Variants in PCDHGA10 observed in about 807,000 individuals in gnomAD.
PCDHGA10 encodes protocadherin gamma subfamily A, 10, also known as protocadherin gamma-A10.
Under a neutral mutation model 59.5 loss-of-function variants are expected in PCDHGA10, and 42 were observed. The observed-to-expected ratio is 0.71, with a 90% confidence interval of 0.55 to 0.91. The LOEUF is 0.91. Among genes scored for constraint, PCDHGA10 ranks in the 40% least tolerant of loss-of-function variants. PCDHGA10 has a pLI of 0.00. For synonymous variants in PCDHGA10, 511 were observed against 517.2 expected (o/e 0.99, Z 0.16); for missense variants, 1,111 against 1,198.2 (o/e 0.93, Z 1.07).
chr5:141,501,290 T>TACACATAC (rs1224133816), intron 2 of PCDHGA10, among the ~76,000 whole-genome samples: 1,510 of 136,196 alleles, frequency 0.011, 8 homozygotes, highest in Admixed American at 0.014. Flanking sequence ...TATTCCCTTA[T>TACACATAC]ACACACACAC....
rs764233527 is a variant in PCDHGA10, at chr5:141,414,624, G to A, written c.1449G>A (p.Pro483=). ...ASIFSVTALD[P]DSKENAQIIY... ...TCTTCTCAGTGACAGCGCTGGACCCGGACAGCAAAGAGAATGCCCAGATTA... is the reference window on the plus strand; with the variant it reads ...TCTTCTCAGTGACAGCGCTGGACCCAGACAGCAAAGAGAATGCCCAGATTA... The change falls in exon 1 of 4, where the codon CCG becomes CCA. Residue 483 remains proline (P), a synonymous_variant. Transcript: ENST00000398610. The A allele has an allele frequency of 3.1e-6, 5 of 1,613,814 alleles. No individual in the cohort carries two copies. Among genetic ancestry groups the A allele is most frequent in the African/African-American group, 2.7e-5 (2 of 74,908 alleles).
intron 1 of PCDHGA10, chr5:141,419,412 G>A (rs770138290): frequency 1.9e-6 from 3 of 1,613,446 alleles, no homozygotes; most frequent in South Asian, 2.2e-5. Context: ...TTCGCGCAGC[G>A]CGCCTTCGAC....
Position 141,485,955 on chromosome 5 carries a change from T to C in PCDHGA10, c.2437-8852T>C. 1 of 1,614,152 alleles carries C rather than the reference T, an allele frequency of 6.2e-7. No homozygotes were observed. Among genetic ancestry groups the C allele is most frequent in the Non-Finnish European group, 8.5e-7 (1 of 1,180,018 alleles). On this transcript the variant is annotated intron_variant, in intron 1 of 3. Transcript: ENST00000398610. This position sits in a 1 kb window ranked among gnomAD's most constrained non-coding sequence, Gnocchi z 5.7. ...GAGAGCGCACCAGCGGGCATGGTGC[T>C]CATCCAGCTCAATGCCTCAGACCCG...
rs1385557537 is a variant in PCDHGA10 at position 141,415,739 on chromosome 5, GGTT to G, written c.2436+129_2436+131del. 2.0e-4 allele frequency: 88 copies of G among 435,112 alleles called. 2 individuals are homozygous for G. In the African/African-American group the frequency reaches 2.4e-3, roughly 12 times the overall value. 27.0% of individuals were successfully genotyped at this position (435,112 alleles called of 1,614,324 possible). A position where few individuals can be genotyped will look rare whatever the true frequency, so the allele number is the denominator to read the frequency against. On this transcript the variant is annotated intron_variant, in intron 1 of 3. Coordinates refer to ENST00000398610, the MANE Select transcript of PCDHGA10 (RefSeq NM_018913.3). ...ATGAGTAGAATTTGATGTTTATTAA[GGTT>G]TTTTTTTTTTTTTTTTTTTTTTTTT...
At chr5:141,419,527 C>T (rs755936657) in intron 1 of PCDHGA10, 4 of 1,612,064 alleles carry the variant, frequency 2.5e-6, no homozygotes, top group Non-Finnish European at 2.5e-6. Context: ...GCGACCGTAA[C>T]GACAACGCAC....
At chr5:141,467,768 C>T (rs2099151160) in intron 1 of PCDHGA10, among the ~76,000 whole-genome samples, 2 of 151,794 alleles carry the variant, frequency 1.3e-5, no homozygotes, top group African/African-American at 2.4e-5. Flanking sequence ...CTCAAGTGCC[C>T]GCACCTCAGC....
rs948944459 is a variant in PCDHGA10 at position 141,476,485 on chromosome 5, G to T, written c.2437-18322G>T. 1 of 1,614,076 alleles carries T rather than the reference G, an allele frequency of 6.2e-7. No individual in the cohort carries two copies. The highest frequency in any genetic ancestry group is 8.5e-7 in the Non-Finnish European group (1 of 1,180,016). ...CGCTGGAGCTGTTCAGCGTGGAAGT[G>T]GTGATCCAGGACATCAACGACAACA... is the stretch of plus-strand genomic sequence containing the variant. On this transcript the variant is annotated intron_variant, in intron 1 of 3. Coordinates refer to ENST00000398610, the MANE Select transcript of PCDHGA10 (RefSeq NM_018913.3). The surrounding 1 kb of genome is among the most constrained non-coding windows in gnomAD (Gnocchi z 7.6).
In PCDHGA10 at chr5:141,415,078, G is replaced by C; in HGVS notation, c.1903G>C (p.Ala635Pro). ...CACGGGCGAGGTGCGCACGGCGCGA[G>C]CCCTGCTGGACAGAGACGCGCTCAA... ...EHTGEVRTAR[A>P]LLDRDALKQS... Residue 635 changes from alanine to proline, a missense_variant, in exon 1 of 4, where the codon GCC (alanine) becomes CCC (proline). By Grantham distance (27) the Ala-to-Pro change is conservative (BLOSUM62 -1). Coordinates refer to ENST00000398610, the MANE Select transcript of PCDHGA10 (RefSeq NM_018913.3). The C allele has an allele frequency of 6.2e-7, 1 of 1,613,494 alleles. No individual in the cohort carries two copies. The highest frequency in any genetic ancestry group is 8.5e-7 in the Non-Finnish European group (1 of 1,179,954).
At chr5:141,457,230 A>G (rs1248092452) in intron 1 of PCDHGA10, among the ~76,000 whole-genome samples, 2 of 152,174 alleles carry the variant, frequency 1.3e-5, no homozygotes, top group African/African-American at 4.8e-5. Flanking sequence ...GGTAATTTCC[A>G]TCTAAAATTT....
At chr5:141,434,193 T>C (rs2097677103) in intron 1 of PCDHGA10, among the ~76,000 whole-genome samples, 1 of 152,246 alleles carries the variant, frequency 6.6e-6, no homozygotes, top group Non-Finnish European at 1.5e-5. Flanking sequence ...GTAATTCCAA[T>C]GTACTTACTT....
At position 141,485,729 on chromosome 5, in the gene PCDHGA10, A is replaced by G. The variant is rs2099618322; in HGVS notation, c.2437-9078A>G. 6.2e-7 allele frequency: 1 copy of G among 1,614,092 alleles called. No individual in the cohort carries two copies. The highest frequency in any genetic ancestry group is 1.1e-5 in the South Asian group (1 of 91,094). ...CTTTGCACTGGATGTGAAGAAGCGCAGCGACGGCAGCCTGGTCCCAGAGCT... is the reference window on the plus strand; with the variant it reads ...CTTTGCACTGGATGTGAAGAAGCGCGGCGACGGCAGCCTGGTCCCAGAGCT... On this transcript the variant is annotated intron_variant, in intron 1 of 3. Coordinates refer to ENST00000398610, the MANE Select transcript of PCDHGA10 (RefSeq NM_018913.3). This position sits in a 1 kb window ranked among gnomAD's most constrained non-coding sequence, Gnocchi z 5.7.
intron 1 of PCDHGA10, among the ~76,000 whole-genome samples, chr5:141,459,014 T>C (rs1429233660): frequency 6.6e-6 from 1 of 152,240 alleles, no homozygotes; most frequent in East Asian, 1.9e-4. Context: ...ATTACAGGCA[T>C]GAGCCACCAC....
In PCDHGA10 at chr5:141,432,872, C is replaced by A. The variant is rs73280906; in HGVS notation, c.2436+17261C>A. The stretch of plus-strand genomic sequence containing the variant: ...GGTGGCCGCGGTCTCCTGCGTCTTC[C>A]TGGCCTTCGTCATCTTGCTGCTGGC... On this transcript the variant is annotated intron_variant, in intron 1 of 3. Transcript: ENST00000398610. The surrounding 1 kb of genome is among the most constrained non-coding windows in gnomAD (Gnocchi z 6.0). 2,361 of 1,614,192 alleles carry A rather than the reference C, an allele frequency of 1.5e-3. 32 individuals carry two copies. In the African/African-American group the frequency reaches 0.028, roughly 19 times the overall value.
chr5:141,495,449 G>T (rs1249221693), intron 2 of PCDHGA10, among the ~76,000 whole-genome samples: 1 of 152,194 alleles, frequency 6.6e-6, no homozygotes, highest in East Asian at 1.9e-4. Flanking sequence ...TACTTGTCCT[G>T]CTCTCTGTCT....
At chr5:141,462,800 A>C (rs1039129881) in intron 1 of PCDHGA10, among the ~76,000 whole-genome samples, 2 of 152,128 alleles carry the variant, frequency 1.3e-5, no homozygotes, top group Non-Finnish European at 2.9e-5. Flanking sequence ...TTGCATGTCT[A>C]ATAATGTTTT....
chr5:141,423,970 A>C, intron 1 of PCDHGA10: 1 of 1,143,228 alleles, frequency 8.7e-7, no homozygotes, highest in Non-Finnish European at 1.1e-6. Flanking sequence ...TTCTATTATC[A>C]GTGTATGAGG....
At chr5:141,472,980 C>CAAAAAAAA (rs60579131) in intron 1 of PCDHGA10, among the ~76,000 whole-genome samples, 7 of 86,098 alleles carry the variant, frequency 8.1e-5, no homozygotes, top group Admixed American at 1.2e-4. Context: ...GAGTGAAACT[C>CAAAAAAAA]AAAAAAAAAA....
At chr5:141,421,119 C>A (rs542039688) in intron 1 of PCDHGA10, 2 of 772,768 alleles carry the variant, frequency 2.6e-6, no homozygotes, top group South Asian at 1.9e-5. Flanking sequence ...TATTTTCCTT[C>A]GCTTTCTGAT....
intron 1 of PCDHGA10, among the ~76,000 whole-genome samples, chr5:141,471,978 A>C (rs1246474598): frequency 1.3e-5 from 2 of 152,184 alleles, no homozygotes; most frequent in African/African-American, 4.8e-5. Flanking sequence ...TTACTGTATA[A>C]ATTTATTAAA....
Sources: gnomAD v4.1 joint callset for allele counts (sites outside exome capture counted in the v4.1 genomes callset) on GRCh38, gnomAD v4.1.1 for gene constraint, Gnocchi (gnomAD v3.1) non-coding constraint, MANE v1.5 for transcripts, NCBI Gene and HGNC (gene_info 2026-07-23, HGNC 2026-07-21) for gene names.